The following CLGN variants were observed in gnomAD, a reference collection of about 807,000 sequenced individuals.
CLGN encodes the protein calmegin.
A neutral mutation model predicts 79.1 loss-of-function variants in CLGN; 62 were observed. The ratio of observed to expected loss-of-function variants is 0.78; its 90% CI spans 0.64 to 0.97. The LOEUF is 0.97. CLGN is among the 50% of genes least tolerant of loss of function. CLGN has a pLI of 0.00. For synonymous variants in CLGN, 225 were observed against 224.7 expected, an observed-to-expected ratio of 1.00 and a Z score of -0.01; for missense variants, 647 against 715.5, an observed-to-expected ratio of 0.90 and a Z score of 1.09.
chr4:140,411,436 T>G (rs2126628364), intron 2 of CLGN, among the ~76,000 whole-genome samples: 1 of 152,204 alleles, frequency 6.6e-6, no homozygotes, highest in African/African-American at 2.4e-5. Context: ...TATCAAGAGA[T>G]AATTTCAACT....
rs765901430 is a variant in CLGN at position 140,400,384 on chromosome 4, C to T, written c.667G>A (p.Asp223Asn). The change falls in exon 7 of 15, where the codon GAC becomes AAC. Residue 223 changes from aspartate (D) to asparagine (N), a missense_variant. Transcript: ENST00000325617. ...AGGGTATAAAGATGAGTCTTCCTGT[C>T]TGTAAAGAACTTTTTAAGGTCTACA... ...PDVDLKKFFT[D>N]RKTHLYTLVM... The T allele has an allele frequency of 4.3e-6, 7 of 1,611,572 alleles. No individual in the cohort carries two copies. In the South Asian group the frequency reaches 4.4e-5, roughly 10 times the overall value.
Position 140,412,973 on chromosome 4 carries a change from C to G in CLGN, c.106G>C (p.Glu36Gln). 1 of 1,613,450 alleles carries G rather than the reference C, an allele frequency of 6.2e-7. No homozygotes were observed. Among genetic ancestry groups the G allele is most frequent in the Non-Finnish European group, 8.5e-7 (1 of 1,179,692 alleles). Reference protein sequence around the residue: ...VETEDFEENSEEIDVNESELS... With the variant: ...VETEDFEENSQEIDVNESELS... The stretch of plus-strand genomic sequence containing the variant: ...TCACTTTCATTAACATCAATTTCTT[C>G]TGAATTTTCTTCAAAGTCTTCCGTC... The change falls in exon 2 of 15, where the codon GAA becomes CAA. Residue 36 changes from glutamate to glutamine, a missense_variant. By Grantham distance (29) the Glu-to-Gln change is conservative. Coordinates refer to ENST00000325617, the MANE Select transcript of CLGN (RefSeq NM_004362.3).
intron 4 of CLGN, among the ~76,000 whole-genome samples, chr4:140,407,428 C>T (rs1474817184): frequency 1.3e-5 from 2 of 151,686 alleles, no homozygotes; most frequent in East Asian, 3.9e-4. Context: ...CCTAGAAAAC[C>T]CAAAAGACTC....
chr4:140,405,173 AT>A (rs1491076379), intron 5 of CLGN, among the ~76,000 whole-genome samples: 1,202 of 25,014 alleles, frequency 0.048, 16 homozygotes, highest in African/African-American at 0.092. Context: ...AATTTTTTTT[AT>A]TTTTATTTTT....
intron 1 of CLGN, among the ~76,000 whole-genome samples, chr4:140,421,512 G>A (rs373169896): frequency 1.3e-4 from 20 of 152,052 alleles, no homozygotes; most frequent in East Asian, 1.2e-3. Context: ...CTAATATGGC[G>A]TAGTATCATA....
intron 5 of CLGN, among the ~76,000 whole-genome samples, chr4:140,404,768 C>T (rs776063937): frequency 6.6e-6 from 1 of 152,066 alleles, no homozygotes; most frequent in Non-Finnish European, 1.5e-5. Flanking sequence ...GATCCTCCCA[C>T]CTCAGCCTCC....
rs760573138 is a variant in CLGN, at chr4:140,413,042, G to C, written c.37C>G (p.Leu13Val). ...FQAFWLCLGL[L>V]FISINAEFMD... ...AATTCTGCATTAATTGAGATGAACAGAAGACCCAAACATAGCCAAAAGGCT... is the reference window on the plus strand; with the variant it reads ...AATTCTGCATTAATTGAGATGAACACAAGACCCAAACATAGCCAAAAGGCT... The change falls in exon 2 of 15, where the codon CTG (leucine) becomes GTG (valine). Residue 13 changes from leucine (L) to valine (V), a missense_variant. Leu to Val is a conservative substitution (Grantham distance 32). Transcript: ENST00000325617. 2 of 1,613,134 alleles carry C rather than the reference G, an allele frequency of 1.2e-6. No individual in the cohort carries two copies. The highest frequency in any genetic ancestry group is 1.7e-6 in the Non-Finnish European group (2 of 1,179,492).
intron 5 of CLGN, among the ~76,000 whole-genome samples, chr4:140,403,744 A>G (rs1412168055): frequency 6.6e-6 from 1 of 152,200 alleles, no homozygotes. Flanking sequence ...TTATACTGCA[A>G]ACTTTTAGAG....
chr4:140,407,823 A>AG (rs542268094), intron 4 of CLGN, among the ~76,000 whole-genome samples: 61 of 152,150 alleles, frequency 4.0e-4, no homozygotes, highest in African/African-American at 1.4e-3. Flanking sequence ...TCACAGAATT[A>AG]GGAAAAAAAA....
At position 140,413,785 on chromosome 4, in the gene CLGN, C is replaced by T. The variant is rs571439637; in HGVS notation, c.-9-698G>A. Among the ~76,000 whole-genome samples, 479 of 152,326 alleles carry T rather than the reference C, an allele frequency of 3.1e-3. 2 individuals are homozygous for T. The highest frequency in any genetic ancestry group is 9.8e-3 in the African/African-American group (406 of 41,592). ...GGCGGCAGCGAGGCTGGGGGAGGGG[C>T]GCCCGCCATTGCCCAGGCTTGATTA... On this transcript the variant is annotated intron_variant, in intron 1 of 14. Coordinates refer to ENST00000325617, the MANE Select transcript of CLGN (RefSeq NM_004362.3).
chr4:140,405,207 C>T (rs1441618049), intron 5 of CLGN, among the ~76,000 whole-genome samples: 3 of 120,412 alleles, frequency 2.5e-5, no homozygotes, highest in Non-Finnish European at 3.3e-5. Flanking sequence ...TTTTTTGAGA[C>T]GGAGTCTCGC....
At chr4:140,390,185 T>C (rs2126611848) in intron 14 of CLGN, among the ~76,000 whole-genome samples, 1 of 151,896 alleles carries the variant, frequency 6.6e-6, no homozygotes, top group East Asian at 1.9e-4. Context: ...AAAAATACCC[T>C]ATCAGGCAGA....
intron 13 of CLGN, 34 bp from the exon 14 acceptor site, chr4:140,390,762 A>T (rs1728757884): frequency 1.4e-6 from 2 of 1,411,098 alleles, no homozygotes; most frequent in Non-Finnish European, 1.9e-6. Flanking sequence ...GCAAAGACTC[A>T]ATAAATTAGA....
chr4:140,425,645 T>TTTTTTTTTTTTTTC (rs1560750754), intron 1 of CLGN, among the ~76,000 whole-genome samples: 1 of 140,302 alleles, frequency 7.1e-6, no homozygotes, highest in African/African-American at 2.7e-5. Flanking sequence ...TTTTTTTTTT[T>TTTTTTTTTTTTTTC]TGAGATGGAG....
At position 140,392,825 on chromosome 4, in the gene CLGN, C is replaced by T. The variant is rs1025315329; in HGVS notation, c.1366-114G>A. 12 of 943,122 alleles carry T rather than the reference C, an allele frequency of 1.3e-5. No individual in the cohort carries two copies. In the Admixed American group the frequency reaches 3.7e-4, roughly 29 times the overall value. 58.4% of individuals were successfully genotyped at this position (943,122 alleles called of 1,614,324 possible). A position where few individuals can be genotyped will look rare whatever the true frequency, so the allele number is the denominator to read the frequency against. On this transcript the variant is annotated intron_variant, in intron 11 of 14. Transcript: ENST00000325617. The stretch of plus-strand genomic sequence containing the variant: ...GCATTTTACATTAAGGAGTGATGAA[C>T]TCGTAAGTAAAAGAAGTTTCATTTT...
At chr4:140,417,823 C>A (rs1445016529) in intron 1 of CLGN, among the ~76,000 whole-genome samples, 349 of 146,988 alleles carry the variant, frequency 2.4e-3, no homozygotes, top group African/African-American at 8.2e-3. Context: ...GCTACCAATG[C>A]CTTTCTTCAC....
chr4:140,421,745 T>C (rs1197324596), intron 1 of CLGN, among the ~76,000 whole-genome samples: 3 of 152,138 alleles, frequency 2.0e-5, no homozygotes, highest in Admixed American at 2.0e-4. Context: ...TCCCATTGCA[T>C]AGGTTTTTCA....
intron 2 of CLGN, among the ~76,000 whole-genome samples, chr4:140,412,565 T>C (rs1376611794): frequency 6.6e-6 from 1 of 151,840 alleles, no homozygotes; most frequent in Admixed American, 6.6e-5. Context: ...TAAAGACAAA[T>C]ACTTTACTTC....
rs771069192 is a variant in CLGN, at chr4:140,413,026, T to G, written c.53A>C (p.Asn18Thr). The change falls in exon 2 of 15, where the codon AAT becomes ACT. Residue 18 changes from asparagine (N) to threonine (T), a missense_variant. Coordinates refer to ENST00000325617, the MANE Select transcript of CLGN (RefSeq NM_004362.3). Reference sequence around the variant, plus strand: ...AACATCATCATCCATAAATTCTGCATTAATTGAGATGAACAGAAGACCCAA... The same window carrying G: ...AACATCATCATCCATAAATTCTGCAGTAATTGAGATGAACAGAAGACCCAA... Reference protein sequence around the residue: ...LCLGLLFISINAEFMDDDVET... With the variant: ...LCLGLLFISITAEFMDDDVET... The G allele has an allele frequency of 8.7e-6, 14 of 1,613,392 alleles. No homozygotes were observed. In the South Asian group the frequency reaches 1.4e-4, roughly 16 times the overall value.
Sources: gnomAD v4.1 joint callset for allele counts (sites outside exome capture counted in the v4.1 genomes callset) on GRCh38, gnomAD v4.1.1 for gene constraint, MANE v1.5 for transcripts, NCBI Gene and HGNC (gene_info 2026-07-23, HGNC 2026-07-21) for gene names.